MYT1L: variants seen among roughly 807,000 people sequenced by gnomAD.
The protein encoded by MYT1L is myelin transcription factor 1 like.
Under a neutral mutation model 126.7 loss-of-function variants are expected in MYT1L, and 12 were observed. The observed-to-expected ratio is 0.09, with a 90% CI of 0.06 to 0.15. The LOEUF is 0.15. MYT1L is among the 10% of genes least tolerant of loss of function. The pLI, the probability that MYT1L is intolerant of heterozygous loss-of-function variation, is 1.00. For synonymous variants in MYT1L, 541 were observed against 604.2 expected (o/e 0.90, Z 1.53); for missense variants, 979 against 1,585.2 (o/e 0.62, Z 6.49).
At chr2:2,031,297 A>G (rs1229627008) in intron 4 of MYT1L, among the ~76,000 whole-genome samples, 1 of 152,336 alleles carries the variant, frequency 6.6e-6, no homozygotes. Context: ...AGTGTCAGAT[A>G]AGGTCTAGTT....
chr2:2,217,688 C>CAAAAAAAAAAAAAAAA (rs1192733884), intron 2 of MYT1L, among the ~76,000 whole-genome samples: 1 of 70,880 alleles, frequency 1.4e-5, no homozygotes, highest in African/African-American at 7.9e-5. Context: ...ACAACAACAA[C>CAAAAAAAAAAAAAAAA]AACAACAACA....
intron 4 of MYT1L, among the ~76,000 whole-genome samples, chr2:2,033,684 G>T (rs1246880202): frequency 6.6e-6 from 1 of 152,180 alleles, no homozygotes; most frequent in African/African-American, 2.4e-5. Flanking sequence ...AATAGAGGTG[G>T]GTGGAGTAGG....
At chr2:2,030,860 T>G (rs1051269803) in intron 4 of MYT1L, among the ~76,000 whole-genome samples, 1 of 152,188 alleles carries the variant, frequency 6.6e-6, no homozygotes, top group Non-Finnish European at 1.5e-5. Flanking sequence ...ACTGTAAAAT[T>G]TGGTGCTCAT....
At chr2:2,176,683 G>C (rs2090833697) in intron 2 of MYT1L, among the ~76,000 whole-genome samples, 1 of 152,040 alleles carries the variant, frequency 6.6e-6, no homozygotes, top group African/African-American at 2.4e-5. Flanking sequence ...AGTTTTAGTA[G>C]AGACGGGGTT....
intron 3 of MYT1L, among the ~76,000 whole-genome samples, chr2:2,083,237 G>A (rs1364142628): frequency 6.6e-6 from 1 of 152,208 alleles, no homozygotes; most frequent in Non-Finnish European, 1.5e-5. Context: ...CTTTACGCCT[G>A]TGCTCACTTG....
intron 18 of MYT1L, among the ~76,000 whole-genome samples, chr2:1,862,087 A>G (rs995483868): frequency 5.3e-5 from 8 of 152,198 alleles, no homozygotes; most frequent in Admixed American, 1.3e-4. Flanking sequence ...CCTCTTGTTT[A>G]TAAGTATGAT....
rs139017556 is a variant in MYT1L at position 1,982,488 on chromosome 2, T to A, written c.1-2711A>T. 2.5e-3 allele frequency among the ~76,000 whole-genome samples: 375 copies of A among 152,326 alleles called. 9 individuals carry two copies. The highest frequency in any genetic ancestry group is 0.015 in the East Asian group (78 of 5,190). ...CCATGGATTCCATTCCATCATTCCA[T>A]TGGATGAGGATTAGGAAGAAGAAAG... On this transcript the variant is annotated intron_variant, in intron 5 of 24. Transcript: ENST00000647738.
chr2:2,056,899 C>T (rs913408726), intron 3 of MYT1L, among the ~76,000 whole-genome samples: 2 of 152,270 alleles, frequency 1.3e-5, no homozygotes, highest in Middle Eastern at 3.4e-3. Context: ...TTTTTCTTTA[C>T]GGCATTTGTC....
intron 3 of MYT1L, among the ~76,000 whole-genome samples, chr2:2,055,572 G>A (rs995693208): frequency 5.9e-5 from 9 of 152,110 alleles, no homozygotes; most frequent in African/African-American, 1.4e-4. Flanking sequence ...AATGGTATTC[G>A]ACATAGTGGT....
chr2:1,792,686 G>A (rs552301452), intron 23 of MYT1L, among the ~76,000 whole-genome samples: 31 of 151,984 alleles, frequency 2.0e-4, no homozygotes, highest in Non-Finnish European at 3.2e-4. Flanking sequence ...CCTGGCCAAC[G>A]TGGTTAAACC....
At chr2:1,831,636 A>G (rs2040201438) in intron 21 of MYT1L, among the ~76,000 whole-genome samples, 1 of 152,198 alleles carries the variant, frequency 6.6e-6, no homozygotes, top group Non-Finnish European at 1.5e-5. Flanking sequence ...CCAATGCCCC[A>G]AATGAGCCCA....
intron 19 of MYT1L, chr2:1,842,014 A>G (rs1014935695): frequency 6.6e-6 from 1 of 152,242 alleles, no homozygotes; most frequent in African/African-American, 2.4e-5. Flanking sequence ...ACATAAAACA[A>G]ATGGGATTTT....
rs2094084052 is a variant in MYT1L, at chr2:2,228,740, T to C, written c.-421+55664A>G. On this transcript the variant is annotated intron_variant, in intron 2 of 24. Coordinates refer to ENST00000647738, the MANE Select transcript of MYT1L (RefSeq NM_001303052.2). This position sits in a 1 kb window ranked among gnomAD's most constrained non-coding sequence, Gnocchi z 5.9. ...ACAGAGAAGAGCTATAAATACACTA[T>C]TTCATGTTCCCCCAAACACCTGAAA... Among the ~76,000 whole-genome samples the C allele has an allele frequency of 6.6e-6, 1 of 152,150 alleles. No individual in the cohort carries two copies. Among genetic ancestry groups the C allele is most frequent in the African/African-American group, 2.4e-5 (1 of 41,450 alleles).
chr2:1,939,825 A>C (rs2056429142), intron 9 of MYT1L, among the ~76,000 whole-genome samples: 4 of 152,226 alleles, frequency 2.6e-5, no homozygotes, highest in South Asian at 2.1e-4. Context: ...CGTTGGCTAA[A>C]TGGGGTGTTG....
Position 2,147,377 on chromosome 2 carries a change from C to T in MYT1L, c.-304+25495G>A, listed in dbSNP as rs193223248. Among the ~76,000 whole-genome samples the T allele has an allele frequency of 1.8e-3, 275 of 152,322 alleles. 2 individuals are homozygous for T. Among genetic ancestry groups the T allele is most frequent in the African/African-American group, 6.3e-3 (261 of 41,582 alleles). On this transcript the variant is annotated intron_variant, in intron 3 of 24. Transcript: ENST00000647738. ...ACACAGCAGGCACACTGCCTGTTGG[C>T]GATGTGGGCTCCAAGCCCCTGGGCA...
intron 3 of MYT1L, among the ~76,000 whole-genome samples, chr2:2,067,432 G>T (rs2074015580): frequency 6.6e-6 from 1 of 152,088 alleles, no homozygotes; most frequent in Non-Finnish European, 1.5e-5. Flanking sequence ...ATGGATTAAG[G>T]AGTTAAATAT....
intron 3 of MYT1L, among the ~76,000 whole-genome samples, chr2:2,070,180 T>C (rs1043891506): frequency 6.6e-6 from 1 of 152,166 alleles, no homozygotes; most frequent in Non-Finnish European, 1.5e-5. Context: ...AAAACCTAAT[T>C]TGAGTAAGAG....
chr2:1,909,284 T>A (rs1391000089), intron 13 of MYT1L, among the ~76,000 whole-genome samples: 1 of 152,126 alleles, frequency 6.6e-6, no homozygotes, highest in Non-Finnish European at 1.5e-5. Context: ...AAGTGCTGTA[T>A]ATATGAAAGA....
rs79556728 is a variant in MYT1L, at chr2:2,236,059, C to T, written c.-421+48345G>A. On this transcript the variant is annotated intron_variant, in intron 2 of 24. Coordinates refer to ENST00000647738, the MANE Select transcript of MYT1L (RefSeq NM_001303052.2). ...CGAAACAACCCAGTACATCACAACC[C>T]AACCCATTACATCCCAACCCAACCC... Among the ~76,000 whole-genome samples, 7,155 of 152,108 alleles carry T rather than the reference C, an allele frequency of 0.047. 771 individuals are homozygous for T. In the East Asian group the frequency reaches 0.49, roughly 10 times the overall value.
Sources: gnomAD v4.1 joint callset for allele counts (sites outside exome capture counted in the v4.1 genomes callset) on GRCh38, gnomAD v4.1.1 for gene constraint, Gnocchi (gnomAD v3.1) non-coding constraint, MANE v1.5 for transcripts, NCBI Gene and HGNC (gene_info 2026-07-23, HGNC 2026-07-21) for gene names.